Variants in FCGR1A observed in about 807,000 individuals in gnomAD.
FCGR1A encodes the protein high affinity immunoglobulin gamma Fc receptor I.
Under a neutral mutation model 35.0 loss-of-function variants are expected in FCGR1A, and 13 were observed. The observed-to-expected ratio is 0.37, with a 90% confidence interval of 0.24 to 0.59. The LOEUF (loss-of-function observed/expected upper bound fraction) is 0.59, where lower values mean the gene tolerates loss of function less well. Ranked by LOEUF, FCGR1A falls within the 20% of genes least tolerant of loss-of-function variation. FCGR1A has a pLI of 0.71. For synonymous variants in FCGR1A, 91 were observed against 164.7 expected, an observed-to-expected ratio of 0.55 and a Z score of 3.43; for missense variants, 227 against 430.0, an observed-to-expected ratio of 0.53 and a Z score of 4.17.
intron 4 of FCGR1A, among the ~76,000 whole-genome samples, 184 bp from the exon 5 acceptor site, chr1:149,789,870 G>T (rs587623550): frequency 0.021 from 3,251 of 152,158 alleles, 102 homozygotes; most frequent in African/African-American, 0.074. Context: ...CAGCAAGCTG[G>T]CAACCCTAAT....
chr1:149,793,690 A>G (rs587693106), downstream of FCGR1A, among the ~76,000 whole-genome samples: 21 of 151,722 alleles, frequency 1.4e-4, no homozygotes, highest in South Asian at 2.5e-3. Flanking sequence ...GTGGAGCAGA[A>G]CCGGCATTAG....
chr1:149,787,257 C>T (rs1419444741), intron 3 of FCGR1A: 1 of 152,184 alleles, frequency 6.6e-6, no homozygotes, highest in African/African-American at 2.4e-5. Flanking sequence ...GCCTTCCATT[C>T]TTAGATAAGT....
intron 3 of FCGR1A, among the ~76,000 whole-genome samples, chr1:149,785,407 CGTT>C (rs1208164441): frequency 0.022 from 1,627 of 74,500 alleles, 100 homozygotes; most frequent in African/African-American, 0.068. Flanking sequence ...AGAGCTGTTT[CGTT>C]TTTTTTTTTT....
chr1:149,792,730 C>T (rs1553752183), downstream of FCGR1A: 2 of 1,283,888 alleles, frequency 1.6e-6, no homozygotes, highest in East Asian at 1.1e-4. Context: ...TCCGCAGCTC[C>T]GCGCCCCCGC....
At chr1:149,786,800 T>C (rs2091564287) in intron 3 of FCGR1A, 5 of 152,378 alleles carry the variant, frequency 3.3e-5, no homozygotes, top group Middle Eastern at 3.4e-3. Context: ...AGATGTTTTT[T>C]GGAGGGTAGT....
chr1:149,792,668 C>T (rs587610631), downstream of FCGR1A: 6 of 1,278,086 alleles, frequency 4.7e-6, no homozygotes, highest in Admixed American at 4.7e-5. Flanking sequence ...GGGGCCGCAG[C>T]CGCCAGCGCC....
At chr1:149,785,618 ACT>A (rs1559743357) in intron 3 of FCGR1A, 1 of 151,358 alleles carries the variant, frequency 6.6e-6, no homozygotes, top group African/African-American at 2.4e-5. Flanking sequence ...CTCTACACAG[ACT>A]CTAGGACACT....
chr1:149,791,087 C>T (rs1571398330), intron 5 of FCGR1A, 150 bp from the exon 6 acceptor site: 10 of 997,518 alleles, frequency 1.0e-5, no homozygotes, highest in Middle Eastern at 3.4e-4. Flanking sequence ...TTAGAGCTAC[C>T]GCCAGTTCCT....
chr1:149,800,229 C>T, the FCGR1A span, among the ~76,000 whole-genome samples: 1 of 152,214 alleles, frequency 6.6e-6, no homozygotes, highest in Non-Finnish European at 1.5e-5. Flanking sequence ...CTTCCATGCA[C>T]CTCCACTGGG....
At chr1:149,784,603 A>C (rs1205919945) in intron 3 of FCGR1A, among the ~76,000 whole-genome samples, 1 of 151,192 alleles carries the variant, frequency 6.6e-6, no homozygotes, top group Non-Finnish European at 1.5e-5. Flanking sequence ...CCCACCCAAA[A>C]CCTAGATCTG....
At position 149,791,577 on chromosome 1, in the gene FCGR1A, G is replaced by A; in HGVS notation, c.*60G>A. ...TCCCCTGCCCACTTGCTCCCCGTGA[G>A]CACTGCGTACAAACATCCAAAAGTT... On this transcript the variant is annotated 3_prime_UTR_variant, in exon 6 of 6. Coordinates refer to ENST00000369168, the MANE Select transcript of FCGR1A (RefSeq NM_000566.4). The A allele has an allele frequency of 6.2e-7, 1 of 1,602,120 alleles. No individual in the cohort carries two copies. The highest frequency in any genetic ancestry group is 1.1e-5 in the South Asian group (1 of 89,764).
downstream of FCGR1A, among the ~76,000 whole-genome samples, chr1:149,796,341 G>A (rs587734587): frequency 1.0e-3 from 156 of 152,292 alleles, 1 homozygote; most frequent in Admixed American, 1.9e-3. Context: ...AAATAATTGG[G>A]TTAGGGATTC....
At chr1:149,792,882 G>A (rs782305168), downstream of FCGR1A, 42 of 1,261,984 alleles carry the variant, frequency 3.3e-5, 1 homozygote, top group South Asian at 4.6e-4. Context: ...CCCGAGTCAA[G>A]GGGCGGCCCC....
At chr1:149,788,203 C>T (rs1462392765) in intron 3 of FCGR1A, 163 bp from the exon 4 acceptor site, 23 of 1,479,210 alleles carry the variant, frequency 1.6e-5, no homozygotes, top group Non-Finnish European at 2.1e-5. Flanking sequence ...TTTCTTTCCA[C>T]CAAAGCTAAA....
At position 149,791,506 on chromosome 1, in the gene FCGR1A, G is replaced by A; in HGVS notation, c.1114G>A (p.Gly372Arg). The part of the protein sequence containing the change: ...QEGVHRKEPQ[G>R]AT ...AGGGGTGCACCGGAAGGAGCCCCAG[G>A]GGGCCACGTAGCAGCGGCTCAGTGG... The change falls in exon 6 of 6, where the codon GGG (glycine) becomes AGG (arginine). Residue 372 changes from glycine to arginine, a missense_variant. Coordinates refer to ENST00000369168, the MANE Select transcript of FCGR1A (RefSeq NM_000566.4). 1.2e-6 allele frequency: 2 copies of A among 1,610,146 alleles called. No individual in the cohort carries two copies. Among genetic ancestry groups the A allele is most frequent in the Non-Finnish European group, 8.5e-7 (1 of 1,179,470 alleles).
rs1553751943 is a variant in FCGR1A at position 149,791,566 on chromosome 1, G to A, written c.*49G>A. The A allele has an allele frequency of 6.2e-7, 1 of 1,608,406 alleles. No individual in the cohort carries two copies. On this transcript the variant is annotated 3_prime_UTR_variant, in exon 6 of 6. Transcript: ENST00000369168. ...GATCTGGACCGTCCCCTGCCCACTT[G>A]CTCCCCGTGAGCACTGCGTACAAAC...
chr1:149,789,976 G>C, intron 4 of FCGR1A, 78 bp from the exon 5 acceptor site: 1 of 1,612,378 alleles, frequency 6.2e-7, no homozygotes, highest in Non-Finnish European at 8.5e-7. Flanking sequence ...TTTCCCAAGG[G>C]GGTAAAGGGC....
chr1:149,791,405 T>C lies in FCGR1A; in HGVS notation c.1013T>C (p.Ile338Thr), dbSNP rs1050208. The change falls in exon 6 of 6, where the codon ATT (isoleucine) becomes ACT (threonine). Residue 338 changes from isoleucine (I) to threonine (T), a missense_variant. Coordinates refer to ENST00000369168, the MANE Select transcript of FCGR1A (RefSeq NM_000566.4). ...GATTCTGGTCATGAGAAGAAGGTAA[T>C]TTCCAGCCTTCAAGAAGACAGACAT... ...SLDSGHEKKV[I>T]SSLQEDRHLE... is the part of the protein sequence containing the mutation. The C allele has an allele frequency of 4.2e-3, 6,787 of 1,599,558 alleles. 326 individuals are homozygous for C. Among genetic ancestry groups the C allele is most frequent in the Non-Finnish European group, 4.6e-3 (5,459 of 1,174,642 alleles).
chr1:149,784,759 C>A (rs1553750643), intron 3 of FCGR1A, among the ~76,000 whole-genome samples: 1 of 150,168 alleles, frequency 6.7e-6, no homozygotes, highest in Non-Finnish European at 1.5e-5. Flanking sequence ...GGTGGTAGAA[C>A]ACTTTCTAAG....
Sources: allele counts gnomAD v4.1 joint callset (sites outside exome capture counted in the v4.1 genomes callset), GRCh38; gene constraint gnomAD v4.1.1; transcripts MANE v1.5; gene names NCBI Gene and HGNC (gene_info 2026-07-23, HGNC 2026-07-21).